The following AQP9 variants were observed in gnomAD, a reference collection of about 807,000 sequenced individuals.
The protein encoded by AQP9 is aquaporin-9.
A neutral mutation model predicts 23.8 loss-of-function variants in AQP9; 19 were observed. That is an observed-to-expected ratio of 0.80 (90% confidence interval 0.56 to 1.17). AQP9 has a LOEUF of 1.17. AQP9 is among the 50% of genes most tolerant of loss of function. The pLI, the probability that AQP9 is intolerant of heterozygous loss-of-function variation, is 0.00. For missense variants in AQP9, 413 were observed against 362.0 expected (o/e 1.14, Z -1.14); for synonymous variants, 153 against 131.5 (o/e 1.16, Z -1.12).
chr15:58,161,596 G>A (rs2140610332), intron 1 of AQP9, among the ~76,000 whole-genome samples: 1 of 152,272 alleles, frequency 6.6e-6, no homozygotes, highest in East Asian at 1.9e-4. Flanking sequence ...ATTTCAACTA[G>A]ATGTATTTGT....
chr15:58,174,839 G>A, intron 3 of AQP9, 79 bp from the exon 4 acceptor site: 1 of 1,202,224 alleles, frequency 8.3e-7, no homozygotes, highest in South Asian at 1.2e-5. Flanking sequence ...GTGACTGGTT[G>A]TTTAGCACAA....
chr15:58,161,779 A>G (rs1459262248), intron 1 of AQP9, among the ~76,000 whole-genome samples: 11 of 152,328 alleles, frequency 7.2e-5, no homozygotes, highest in African/African-American at 2.6e-4. Context: ...TGCCTTCATT[A>G]ATGTTATCTC....
chr15:58,148,599 T>A (rs1330352035), intron 1 of AQP9, among the ~76,000 whole-genome samples: 2 of 152,046 alleles, frequency 1.3e-5, no homozygotes, highest in Admixed American at 1.3e-4. Flanking sequence ...CCACTCAGAG[T>A]CACAGTTATC....
chr15:58,156,497 A>T (rs1452189996), intron 1 of AQP9, among the ~76,000 whole-genome samples: 1 of 152,178 alleles, frequency 6.6e-6, no homozygotes, highest in African/African-American at 2.4e-5. Context: ...AATCCTTAAC[A>T]TTACATAGTA....
intron 1 of AQP9, among the ~76,000 whole-genome samples, chr15:58,149,607 G>C (rs1283062704): frequency 6.6e-6 from 1 of 152,148 alleles, no homozygotes; most frequent in Non-Finnish European, 1.5e-5. Context: ...AGTTGTTATT[G>C]GTATTATTGT....
In AQP9 at chr15:58,185,617, T is replaced by G. The variant is rs573964627; in HGVS notation, c.*1482T>G. The G allele has an allele frequency of 6.6e-6, 1 of 152,362 alleles. No individual in the cohort carries two copies. Among genetic ancestry groups the G allele is most frequent in the African/African-American group, 2.4e-5 (1 of 41,594 alleles). The allele number at this position is 152,362 out of a possible 1,614,324, so 9.4% of individuals were successfully genotyped here. On this transcript the variant is annotated 3_prime_UTR_variant, in exon 6 of 6. Transcript: ENST00000219919. ...TTTCCTCTGGCTCAGTCTTTTCCCC[T>G]TGAAGTTCTCTAATAGATGTTACTT...
At chr15:58,150,733 A>T (rs1338876415) in intron 1 of AQP9, 2 of 152,146 alleles carry the variant, frequency 1.3e-5, no homozygotes, top group African/African-American at 4.8e-5. Flanking sequence ...GCCCTTATGA[A>T]TGCGGATTTG....
At chr15:58,175,122 A>T in intron 4 of AQP9, 86 bp downstream of exon 4, 1 of 1,194,828 alleles carries the variant, frequency 8.4e-7, no homozygotes, top group East Asian at 2.4e-5. Context: ...GAGACCAATC[A>T]GAAAGGAGAG....
At chr15:58,156,226 A>C (rs1169862405) in intron 1 of AQP9, among the ~76,000 whole-genome samples, 2 of 152,136 alleles carry the variant, frequency 1.3e-5, no homozygotes, top group Non-Finnish European at 2.9e-5. Context: ...ACACACTTTA[A>C]CTGCTATGTC....
At chr15:58,161,385 C>T (rs1297457901) in intron 1 of AQP9, among the ~76,000 whole-genome samples, 2 of 152,126 alleles carry the variant, frequency 1.3e-5, no homozygotes, top group Admixed American at 6.6e-5. Flanking sequence ...ATGTATGGAA[C>T]CTGATAGTAA....
intron 1 of AQP9, among the ~76,000 whole-genome samples, chr15:58,157,382 G>A (rs916063775): frequency 4.6e-5 from 7 of 152,114 alleles, no homozygotes; most frequent in African/African-American, 1.7e-4. Flanking sequence ...GGTGAGACTT[G>A]GAGGTATTGG....
rs561227686 is a variant in AQP9, at chr15:58,140,899, G to A, written c.111+2223G>A. ...TACGGGTCCCCAACACATGGGCCACGGACTGGTACAGGTGGTCCCTGGTGC... is the reference window on the plus strand; with the variant it reads ...TACGGGTCCCCAACACATGGGCCACAGACTGGTACAGGTGGTCCCTGGTGC... On this transcript the variant is annotated intron_variant, in intron 1 of 5. Coordinates refer to ENST00000219919, the MANE Select transcript of AQP9 (RefSeq NM_020980.5). 4.6e-5 allele frequency among the ~76,000 whole-genome samples: 7 copies of A among 152,218 alleles called. No homozygotes were observed. The East Asian group carries it at 1.2e-3, about 25-fold the overall frequency.
chr15:58,165,361 C>T (rs1437474000), intron 1 of AQP9, among the ~76,000 whole-genome samples: 2 of 151,958 alleles, frequency 1.3e-5, no homozygotes, highest in African/African-American at 2.4e-5. Flanking sequence ...TATGTGGGGC[C>T]CATTTTTTTA....
rs550150685 is a variant in AQP9, at chr15:58,157,201, C to T, written c.112-9472C>T. Among the ~76,000 whole-genome samples, 46 of 152,224 alleles carry T rather than the reference C, an allele frequency of 3.0e-4. 1 individual carries two copies. The South Asian group carries it at 9.1e-3, about 30-fold the overall frequency. On this transcript the variant is annotated intron_variant, in intron 1 of 5. Transcript: ENST00000219919. ...ATTTAAATGTGTTCCTTTCCTATAT[C>T]CAAGAAGACCTGCAGCAGGGTACAA...
chr15:58,183,499 A>T (rs1464648101), intron 5 of AQP9, among the ~76,000 whole-genome samples: 3 of 152,228 alleles, frequency 2.0e-5, no homozygotes, highest in African/African-American at 7.2e-5. Flanking sequence ...TAGATTTTTT[A>T]AAAATTCATT....
intron 2 of AQP9, among the ~76,000 whole-genome samples, chr15:58,168,203 AT>A (rs1211586226): frequency 6.8e-6 from 1 of 146,274 alleles, no homozygotes; most frequent in African/African-American, 2.5e-5. Flanking sequence ...TAATTTTTGT[AT>A]TTTTTTTGTA....
rs1898800861 is a variant in AQP9, at chr15:58,178,290, A to G, written c.496-838A>G. Among the ~76,000 whole-genome samples the G allele has an allele frequency of 3.9e-5, 6 of 152,314 alleles. 1 individual carries two copies. In the South Asian group the frequency reaches 1.2e-3, roughly 32 times the overall value. Reference sequence around the variant, plus strand: ...ATTTTTTTCACTTAATGTTATAAGTATTTTTAAATATTACTACATAGCTTT... The same window carrying G: ...ATTTTTTTCACTTAATGTTATAAGTGTTTTTAAATATTACTACATAGCTTT... On this transcript the variant is annotated intron_variant, in intron 4 of 5. Coordinates refer to ENST00000219919, the MANE Select transcript of AQP9 (RefSeq NM_020980.5).
intron 1 of AQP9, among the ~76,000 whole-genome samples, chr15:58,147,213 T>G (rs1405122155): frequency 6.6e-6 from 1 of 152,188 alleles, no homozygotes; most frequent in Non-Finnish European, 1.5e-5. Context: ...GAAGTATTTT[T>G]TTTTTCTACT....
intron 5 of AQP9, among the ~76,000 whole-genome samples, chr15:58,182,974 C>G (rs1566992504): frequency 6.6e-6 from 1 of 152,096 alleles, no homozygotes; most frequent in South Asian, 2.1e-4. Context: ...TTTCCTTTAT[C>G]GTTCTTTCTA....
Sources: gnomAD v4.1 joint callset for allele counts (sites outside exome capture counted in the v4.1 genomes callset) on GRCh38, gnomAD v4.1.1 for gene constraint, MANE v1.5 for transcripts, NCBI Gene and HGNC (gene_info 2026-07-23, HGNC 2026-07-21) for gene names.